Variants in ZNF469 observed in about 807,000 individuals in gnomAD.
The protein encoded by ZNF469 is zinc finger protein 469.
In ZNF469, 1 loss-of-function variant was observed where a neutral mutation model predicts 1.0. That is an observed-to-expected ratio of 1.00 (90% confidence interval 0.35 to 4.73). The LOEUF is 4.73. Among genes scored for constraint, ZNF469 ranks in the 30% most tolerant of loss-of-function variants. The pLI is 0.16. For synonymous variants in ZNF469, 2,703 were observed against 2,363.4 expected (o/e 1.14, Z -4.17); for missense variants, 6,100 against 5,356.3 (o/e 1.14, Z -4.33).
At chr16:88,131,324 G>A in the ZNF469 span, among the ~76,000 whole-genome samples, 4 of 152,318 alleles carry the variant, frequency 2.6e-5, no homozygotes, top group South Asian at 4.1e-4. Context: ...CTGGTGTGTC[G>A]CCTAAGCCCT....
chr16:88,123,033 T>G, the ZNF469 span, among the ~76,000 whole-genome samples: 1 of 152,160 alleles, frequency 6.6e-6, no homozygotes, highest in Admixed American at 6.5e-5. Flanking sequence ...TGCCTCTTTG[T>G]TGGCTATCAC....
rs1906606733 is a variant in ZNF469, at chr16:88,436,742, G to A, written c.9272G>A (p.Arg3091Lys). The change falls in exon 3 of 3, where the codon AGG becomes AAG. Residue 3091 changes from arginine to lysine, a missense_variant. Arg to Lys is a conservative substitution (Grantham distance 26). Coordinates refer to ENST00000565624, the MANE Select transcript of ZNF469 (RefSeq NM_001367624.2). ...TASSQGPQSR[R>K]TEEAAGAGRA... The stretch of plus-strand genomic sequence containing the variant: ...AGCTCACAGGGGCCACAGAGCCGAA[G>A]GACAGAGGAGGCTGCAGGGGCAGGG... 6.5e-7 allele frequency: 1 copy of A among 1,548,278 alleles called. No individual in the cohort carries two copies. Among genetic ancestry groups the A allele is most frequent in the African/African-American group, 1.4e-5 (1 of 73,008 alleles).
the ZNF469 span, among the ~76,000 whole-genome samples, chr16:88,339,637 A>G: frequency 1.2e-4 from 1 of 8,212 alleles, no homozygotes; most frequent in Non-Finnish European, 2.0e-4. Flanking sequence ...TGGCAGGAGG[A>G]TGGGGGACGT....
chr16:88,231,706 G>GC, the ZNF469 span, among the ~76,000 whole-genome samples: 1 of 151,966 alleles, frequency 6.6e-6, no homozygotes, highest in Non-Finnish European at 1.5e-5. This position sits in a 1 kb window ranked among gnomAD's most constrained non-coding sequence, Gnocchi z 4.5. Flanking sequence ...CCTCCTGTGA[G>GC]CCCCCCGCCT....
At chr16:88,231,078 C>G in the ZNF469 span, among the ~76,000 whole-genome samples, 1 of 152,182 alleles carries the variant, frequency 6.6e-6, no homozygotes, top group East Asian at 1.9e-4. This position sits in a 1 kb window ranked among gnomAD's most constrained non-coding sequence, Gnocchi z 4.5. Flanking sequence ...CCAACACACG[C>G]AAGCCCTTCC....
the ZNF469 span, among the ~76,000 whole-genome samples, chr16:88,278,186 C>T: frequency 1.2e-4 from 3 of 24,894 alleles, no homozygotes; most frequent in African/African-American, 2.5e-4. Context: ...CGCTGACACT[C>T]GGTCAGTACC....
chr16:88,245,504 A>T, the ZNF469 span, among the ~76,000 whole-genome samples: 50 of 152,352 alleles, frequency 3.3e-4, no homozygotes, highest in South Asian at 6.2e-4. Context: ...CCTGGAGATG[A>T]GCCCTGAGGC....
the ZNF469 span, among the ~76,000 whole-genome samples, chr16:88,321,646 G>A: frequency 0.44 from 67,345 of 151,560 alleles, 15,648 homozygotes; most frequent in Middle Eastern, 0.54. Context: ...CTGATTGGAT[G>A]TGACCCTCGG....
chr16:88,146,388 C>T, the ZNF469 span, among the ~76,000 whole-genome samples: 21 of 152,178 alleles, frequency 1.4e-4, no homozygotes, highest in African/African-American at 5.1e-4. Context: ...TCTCTGGGGT[C>T]AGGAGGAGCC....
the ZNF469 span, among the ~76,000 whole-genome samples, chr16:88,272,057 A>G: frequency 2.0e-5 from 3 of 151,766 alleles, no homozygotes; most frequent in East Asian, 5.8e-4. Context: ...GGGGATAAAT[A>G]GGTGGGTAGA....
Position 88,430,703 on chromosome 16 carries a change from G to A in ZNF469, c.3233G>A (p.Gly1078Glu), listed in dbSNP as rs1479492259. Residue 1078 changes from glycine (G) to glutamate (E), a missense_variant, in exon 3 of 3, where the codon GGG becomes GAG. Physicochemically the swap from Gly to Glu is moderately conservative, Grantham distance 98. Coordinates refer to ENST00000565624, the MANE Select transcript of ZNF469 (RefSeq NM_001367624.2). Reference protein sequence around the residue: ...RAGRCGSLAAGRPRPGAEDRR... With the variant: ...RAGRCGSLAAERPRPGAEDRR... ...GGCAGGTGCGGCTCCCTGGCGGCGG[G>A]GAGGCCCCGGCCCGGAGCTGAGGAC... 2 of 1,480,720 alleles carry A rather than the reference G, an allele frequency of 1.4e-6. No individual in the cohort carries two copies. Among genetic ancestry groups the A allele is most frequent in the East Asian group, 5.4e-5 (2 of 36,790 alleles). 91.7% of individuals were successfully genotyped at this position (1,480,720 alleles called of 1,614,324 possible). A position where few individuals can be genotyped will look rare whatever the true frequency, so the allele number is the denominator to read the frequency against.
chr16:88,184,876 G>A, the ZNF469 span, among the ~76,000 whole-genome samples: 2 of 152,164 alleles, frequency 1.3e-5, no homozygotes, highest in African/African-American at 4.8e-5. Context: ...GCACAGACAC[G>A]GACTCACATA....
chr16:88,122,998 A>G, the ZNF469 span, among the ~76,000 whole-genome samples: 592 of 152,012 alleles, frequency 3.9e-3, 2 homozygotes, highest in Middle Eastern at 0.02. Flanking sequence ...TCCAGCTGCA[A>G]TTGTTATATT....
chr16:88,291,980 G>A, the ZNF469 span, among the ~76,000 whole-genome samples: 11 of 152,336 alleles, frequency 7.2e-5, no homozygotes, highest in African/African-American at 2.6e-4. Flanking sequence ...GGCTGGAGCC[G>A]AAGGTATGAG....
At chr16:88,218,120 T>G in the ZNF469 span, among the ~76,000 whole-genome samples, 1 of 147,830 alleles carries the variant, frequency 6.8e-6, no homozygotes, top group Non-Finnish European at 1.5e-5. Context: ...CCTGACTTTT[T>G]AATGATTGCC....
chr16:88,218,457 T>C, the ZNF469 span, among the ~76,000 whole-genome samples: 1 of 152,008 alleles, frequency 6.6e-6, no homozygotes, highest in Non-Finnish European at 1.5e-5. Flanking sequence ...TTAGATCCCA[T>C]TTGTCAATTT....
the ZNF469 span, among the ~76,000 whole-genome samples, chr16:88,193,369 G>A: frequency 1.3e-5 from 2 of 152,158 alleles, no homozygotes; most frequent in Middle Eastern, 3.4e-3. Context: ...GATTATGAGA[G>A]TTGTCTTAGT....
the ZNF469 span, among the ~76,000 whole-genome samples, chr16:88,187,301 G>A: frequency 4.6e-5 from 7 of 152,254 alleles, no homozygotes; most frequent in Admixed American, 4.6e-4. Flanking sequence ...GCACGTGTGG[G>A]CCCAGCACCT....
At position 88,383,049 on chromosome 16, in the gene ZNF469, C is replaced by G. The variant is rs1599341630; in HGVS notation, c.-397C>G. On this transcript the variant is annotated 5_prime_UTR_variant, in exon 1 of 3. Coordinates refer to ENST00000565624, the MANE Select transcript of ZNF469 (RefSeq NM_001367624.2). The stretch of plus-strand genomic sequence containing the variant: ...CAGGGCTGGCCCGCGGCGACCTGGG[C>G]AGGGTGGCGGCTGCTCCCTCTCCTC... 6.6e-6 allele frequency among the ~76,000 whole-genome samples: 1 copy of G among 151,590 alleles called. No homozygotes were observed. Among genetic ancestry groups the G allele is most frequent in the South Asian group, 2.1e-4 (1 of 4,832 alleles).
Sources: allele counts gnomAD v4.1 joint callset (sites outside exome capture counted in the v4.1 genomes callset), GRCh38; gene constraint gnomAD v4.1.1; non-coding constraint Gnocchi (gnomAD v3.1); transcripts MANE v1.5; gene names NCBI Gene and HGNC (gene_info 2026-07-23, HGNC 2026-07-21).